WRN: variants seen among roughly 807,000 people sequenced by gnomAD.
WRN encodes bifunctional 3'-5' exonuclease/ATP-dependent helicase WRN.
WRN carries 149 observed loss-of-function variants against 180.7 expected under a neutral mutation model. The ratio of observed to expected loss-of-function variants is 0.82; its 90% confidence interval spans 0.72 to 0.94. The LOEUF (loss-of-function observed/expected upper bound fraction) is 0.94. WRN is among the 40% of genes least tolerant of loss of function. WRN has a pLI of 0.00. For synonymous variants in WRN, 548 were observed against 568.9 expected (o/e 0.96, Z 0.52); for missense variants, 1,661 against 1,700.1 (o/e 0.98, Z 0.40).
chr8:31,141,735 G>C lies in WRN; in HGVS notation c.3193G>C (p.Ala1065Pro). 8 of 1,614,124 alleles carry C rather than the reference G, an allele frequency of 5.0e-6. No individual in the cohort carries two copies. The highest frequency in any genetic ancestry group is 6.8e-6 in the Non-Finnish European group (8 of 1,180,020). Residue 1065 changes from alanine to proline, a missense_variant, in exon 26 of 35, where the codon GCT becomes CCT. Around this residue, in one of 3 missense-constraint regions of WRN, gnomAD observed 1,141 missense variants for 1,149.4 expected, o/e 0.99. Transcript: ENST00000298139. ...AGAATCTCAGAGCCTCATCCTTCAAGCTAATGAAGAATTGTGTCCAAAGAA... is the reference window on the plus strand; with the variant it reads ...AGAATCTCAGAGCCTCATCCTTCAACCTAATGAAGAATTGTGTCCAAAGAA... ...NTESQSLILQ[A>P]NEELCPKKLL...
chr8:31,093,046 G>A (rs147536961), intron 16 of WRN, among the ~76,000 whole-genome samples: 2 of 152,118 alleles, frequency 1.3e-5, no homozygotes, highest in African/African-American at 4.8e-5. Context: ...CTGGGCTCAA[G>A]CTATCCTCCT....
chr8:31,082,133 T>G (rs1813341821), intron 9 of WRN, among the ~76,000 whole-genome samples: 1 of 152,228 alleles, frequency 6.6e-6, no homozygotes, highest in South Asian at 2.1e-4. Flanking sequence ...CACTATAGTT[T>G]TACTGTCATC....
intron 1 of WRN, among the ~76,000 whole-genome samples, chr8:31,058,167 C>T (rs1311603609): frequency 6.6e-6 from 1 of 152,136 alleles, no homozygotes; most frequent in Non-Finnish European, 1.5e-5. Flanking sequence ...AATTTCGAAA[C>T]TACCAGAATT....
In WRN at chr8:31,141,761, G is replaced by C; in HGVS notation, c.3219G>C (p.Lys1073Asn). ...LQANEELCPK[K>N]LLLPSSKTVS... ...CTAATGAAGAATTGTGTCCAAAGAAGTTGCTTCTGCCTAGGTTCATTTTTC... is the reference window on the plus strand; with the variant it reads ...CTAATGAAGAATTGTGTCCAAAGAACTTGCTTCTGCCTAGGTTCATTTTTC... The change falls in exon 26 of 35, where the codon AAG becomes AAC. Residue 1073 changes from lysine to asparagine, a missense_variant. Transcript: ENST00000298139. 1 of 1,614,006 alleles carries C rather than the reference G, an allele frequency of 6.2e-7. No individual in the cohort carries two copies. Among genetic ancestry groups the C allele is most frequent in the Non-Finnish European group, 8.5e-7 (1 of 1,179,994 alleles).
intron 34 of WRN, among the ~76,000 whole-genome samples, chr8:31,168,557 A>C (rs1476816158): frequency 6.6e-6 from 1 of 152,062 alleles, no homozygotes; most frequent in African/African-American, 2.4e-5. Context: ...TAAGCTTGCT[A>C]GATTCTAAAA....
At position 31,111,721 on chromosome 8, in the gene WRN, G is replaced by A. The variant is rs777084325; in HGVS notation, c.2195G>A (p.Arg732Gln). ...CAGATCACCTGTACTGGTTTTGATCGACCAAACCTGTATTTAGAAGTTAGG... is the reference window on the plus strand; with the variant it reads ...CAGATCACCTGTACTGGTTTTGATCAACCAAACCTGTATTTAGAAGTTAGG... ...NPQITCTGFD[R>Q]PNLYLEVRRK... Residue 732 changes from arginine to glutamine, a missense_variant, in exon 19 of 35, where the codon CGA (arginine) becomes CAA (glutamine). Arg to Gln is a conservative substitution (Grantham distance 43). Transcript: ENST00000298139. 5.0e-6 allele frequency: 8 copies of A among 1,613,938 alleles called. No homozygotes were observed. The highest frequency in any genetic ancestry group is 2.2e-5 in the East Asian group (1 of 44,840).
At chr8:31,088,559 G>T (rs1813624795) in intron 12 of WRN, among the ~76,000 whole-genome samples, 1 of 151,954 alleles carries the variant, frequency 6.6e-6, no homozygotes, top group Non-Finnish European at 1.5e-5. Context: ...TTGAAGGTTG[G>T]TTATATTATA....
chr8:31,072,299 G>A (rs547867627), intron 7 of WRN, among the ~76,000 whole-genome samples: 8 of 152,322 alleles, frequency 5.3e-5, no homozygotes, highest in East Asian at 3.9e-4. Context: ...TTGGCAATGC[G>A]CCAATCATTT....
At chr8:31,138,893 T>G (rs779923907) in intron 24 of WRN, among the ~76,000 whole-genome samples, 3 of 152,240 alleles carry the variant, frequency 2.0e-5, no homozygotes, top group Non-Finnish European at 2.9e-5. Flanking sequence ...TTACCTAATT[T>G]CATCCTAGCT....
chr8:31,114,868 C>T (rs1801451445), intron 19 of WRN, among the ~76,000 whole-genome samples: 2 of 147,568 alleles, frequency 1.4e-5, no homozygotes, highest in South Asian at 2.2e-4. Flanking sequence ...GTTTTTTCTT[C>T]TTTGAAAACA....
chr8:31,091,763 A>G, intron 15 of WRN, 67 bp from the exon 16 acceptor site: 2 of 1,372,538 alleles, frequency 1.5e-6, no homozygotes, highest in Non-Finnish European at 2.1e-6. Flanking sequence ...ATTCTTTCTC[A>G]CTTAAGAGTG....
intron 3 of WRN, 92 bp downstream of exon 3, chr8:31,059,357 G>A (rs1468922843): frequency 9.9e-7 from 1 of 1,007,166 alleles, no homozygotes; most frequent in Non-Finnish European, 1.6e-6. Context: ...AGTTTTACAG[G>A]TGAGGTGTGT....
chr8:31,165,397 G>A (rs566209747), intron 33 of WRN, among the ~76,000 whole-genome samples: 9 of 152,070 alleles, frequency 5.9e-5, no homozygotes, highest in African/African-American at 2.2e-4. Context: ...AAACAGCACT[G>A]TCAGTAGAAA....
chr8:31,060,893 T>G (rs1435906606), intron 3 of WRN, among the ~76,000 whole-genome samples: 1 of 152,200 alleles, frequency 6.6e-6, no homozygotes, highest in Non-Finnish European at 1.5e-5. Context: ...ACACTTTAAA[T>G]TTTTGCTACC....
chr8:31,077,544 A>T (rs1169644145), intron 8 of WRN, among the ~76,000 whole-genome samples: 1 of 152,220 alleles, frequency 6.6e-6, no homozygotes, highest in Admixed American at 6.5e-5. Flanking sequence ...GCCCAGCCTG[A>T]AAGATGAACT....
chr8:31,121,553 T>C lies in WRN; in HGVS notation c.2630+1129T>C, dbSNP rs928027662. Reference sequence around the variant, plus strand: ...TTTGAAAATGTCAACAATCAAAATTTTGTAAAAAAGGAATCATGCAACATA... The same window carrying C: ...TTTGAAAATGTCAACAATCAAAATTCTGTAAAAAAGGAATCATGCAACATA... On this transcript the variant is annotated intron_variant, in intron 21 of 34. Transcript: ENST00000298139. Among the ~76,000 whole-genome samples the C allele has an allele frequency of 2.1e-4, 32 of 152,012 alleles. 1 individual carries two copies. Among genetic ancestry groups the C allele is most frequent in the African/African-American group, 6.0e-4 (25 of 41,408 alleles).
intron 13 of WRN, among the ~76,000 whole-genome samples, chr8:31,089,184 C>A (rs1482564657): frequency 6.6e-6 from 1 of 152,006 alleles, no homozygotes; most frequent in African/African-American, 2.4e-5. Flanking sequence ...AAATGGTTTT[C>A]CTTTAACTGA....
At position 31,120,785 on chromosome 8, in the gene WRN, C is replaced by T. The variant is rs1801695898; in HGVS notation, c.2630+361C>T. Among the ~76,000 whole-genome samples the T allele has an allele frequency of 2.0e-5, 3 of 151,990 alleles. No homozygotes were observed. The South Asian group carries it at 6.2e-4, about 31-fold the overall frequency. On this transcript the variant is annotated intron_variant, in intron 21 of 34. Coordinates refer to ENST00000298139, the MANE Select transcript of WRN (RefSeq NM_000553.6). ...CTCAGATCCTGTCAAGTTGCGATGT[C>T]TTCAGCCATAGTTACTTCAACTACC...
At chr8:31,065,173 G>A (rs906925329) in intron 5 of WRN, 110 bp downstream of exon 5, 14 of 1,131,852 alleles carry the variant, frequency 1.2e-5, no homozygotes, top group Non-Finnish European at 1.6e-5. Context: ...GTTATATAAT[G>A]TTTTTGTAGC....
Sources: gnomAD v4.1 joint callset for allele counts (sites outside exome capture counted in the v4.1 genomes callset) on GRCh38, gnomAD v4.1.1 for gene constraint, gnomAD v4.1.1 regional missense constraint, MANE v1.5 for transcripts, NCBI Gene and HGNC (gene_info 2026-07-23, HGNC 2026-07-21) for gene names.